Variants in SLC36A1 observed in about 807,000 individuals in gnomAD.
SLC36A1 encodes the protein solute carrier family 36 member 1.
A neutral mutation model predicts 47.5 loss-of-function variants in SLC36A1; 30 were observed. The observed-to-expected ratio is 0.63, with a 90% CI of 0.47 to 0.86. SLC36A1 has a LOEUF of 0.86. Among genes scored for constraint, SLC36A1 ranks in the 40% least tolerant of loss-of-function variants. The pLI is 0.00. For missense variants in SLC36A1, 517 were observed against 606.0 expected (o/e 0.85, Z 1.54); for synonymous variants, 255 against 249.7 (o/e 1.02, Z -0.20).
the SLC36A1 span, chr5:151,529,416 A>T: frequency 6.2e-7 from 1 of 1,608,582 alleles, no homozygotes; most frequent in South Asian, 1.1e-5. Flanking sequence ...AGGTGACAGC[A>T]GCAATGAGGC....
chr5:151,473,117 G>A (rs1353382962), intron 7 of SLC36A1, among the ~76,000 whole-genome samples: 1 of 152,186 alleles, frequency 6.6e-6, no homozygotes, highest in African/African-American at 2.4e-5. Context: ...GGAGGTTGCA[G>A]TGAGCCGAGA....
At chr5:151,515,071 C>T in the SLC36A1 span, among the ~76,000 whole-genome samples, 2 of 152,132 alleles carry the variant, frequency 1.3e-5, no homozygotes, top group Non-Finnish European at 2.9e-5. Context: ...TCACCCCAAC[C>T]CACCATACAC....
downstream of SLC36A1, among the ~76,000 whole-genome samples, chr5:151,494,075 C>T (rs1760271897): frequency 6.6e-6 from 1 of 152,108 alleles, no homozygotes; most frequent in Admixed American, 6.5e-5. Flanking sequence ...GGCTGGAACC[C>T]CTTCTTCCAG....
the SLC36A1 span, among the ~76,000 whole-genome samples, chr5:151,506,503 G>A: frequency 7.2e-5 from 11 of 152,218 alleles, no homozygotes; most frequent in African/African-American, 2.7e-4. Context: ...CTATCATGGA[G>A]AGTGATGAAA....
chr5:151,362,727 G>A, the SLC36A1 span, among the ~76,000 whole-genome samples: 37 of 152,106 alleles, frequency 2.4e-4, no homozygotes, highest in Non-Finnish European at 4.4e-4. Flanking sequence ...ACTCTCTGAT[G>A]AGTTTTTCAG....
downstream of SLC36A1, among the ~76,000 whole-genome samples, chr5:151,496,807 C>G (rs1336870438): frequency 6.6e-6 from 1 of 152,174 alleles, no homozygotes; most frequent in Non-Finnish European, 1.5e-5. Flanking sequence ...CTTCCTGACA[C>G]TATTTGTTAT....
chr5:151,448,466 T>G (rs972479700), intron 1 of SLC36A1, among the ~76,000 whole-genome samples: 7 of 152,222 alleles, frequency 4.6e-5, no homozygotes, highest in Non-Finnish European at 1.0e-4. Flanking sequence ...GTTCCCTGTT[T>G]GTTCATTATT....
intron 1 of SLC36A1, among the ~76,000 whole-genome samples, chr5:151,457,075 AT>A (rs1754639794): frequency 6.6e-6 from 1 of 152,068 alleles, no homozygotes; most frequent in East Asian, 1.9e-4. Flanking sequence ...GATTTTTGTC[AT>A]TTTTTATATT....
the SLC36A1 span, among the ~76,000 whole-genome samples, chr5:151,524,771 TTCAG>T: frequency 6.6e-6 from 1 of 152,084 alleles, no homozygotes; most frequent in Admixed American, 6.6e-5. Context: ...CTCAAGCCAC[TTCAG>T]GCTCTTTCCC....
intron 7 of SLC36A1, among the ~76,000 whole-genome samples, chr5:151,472,010 CTG>C (rs1307598492): frequency 6.6e-6 from 1 of 152,162 alleles, no homozygotes; most frequent in African/African-American, 2.4e-5. Flanking sequence ...TCCACACAGT[CTG>C]TTACTGGAGA....
chr5:151,553,128 A>T, the SLC36A1 span: 1 of 1,571,082 alleles, frequency 6.4e-7, no homozygotes, highest in East Asian at 2.2e-5. Flanking sequence ...GAGCTGGTGT[A>T]TAAGGATGGG....
the SLC36A1 span, among the ~76,000 whole-genome samples, chr5:151,408,328 A>G: frequency 1.3e-5 from 2 of 152,252 alleles, no homozygotes; most frequent in East Asian, 3.9e-4. Flanking sequence ...AGCTGGGACT[A>G]CAGGCACACA....
the SLC36A1 span, among the ~76,000 whole-genome samples, chr5:151,355,476 T>G: frequency 6.6e-6 from 1 of 152,244 alleles, no homozygotes; most frequent in Non-Finnish European, 1.5e-5. Flanking sequence ...AACTCTGCAA[T>G]TTAATTTCTA....
chr5:151,548,571 C>A, the SLC36A1 span, among the ~76,000 whole-genome samples: 19 of 152,100 alleles, frequency 1.2e-4, no homozygotes, highest in Admixed American at 7.9e-4. Flanking sequence ...ACCTCTGCCT[C>A]CCAGGTTCAA....
At chr5:151,532,189 T>C in the SLC36A1 span, among the ~76,000 whole-genome samples, 1 of 152,344 alleles carries the variant, frequency 6.6e-6, no homozygotes, top group East Asian at 1.9e-4. Context: ...GAACCTAATC[T>C]GCAAATCTAT....
the SLC36A1 span, chr5:151,553,299 A>T: frequency 1.2e-6 from 2 of 1,614,240 alleles, no homozygotes; most frequent in Non-Finnish European, 1.7e-6. Flanking sequence ...GGCCAGAGGG[A>T]TGGAGGACGG....
chr5:151,367,378 C>G, the SLC36A1 span, among the ~76,000 whole-genome samples: 1 of 78,360 alleles, frequency 1.3e-5, no homozygotes, highest in Non-Finnish European at 2.6e-5. Context: ...TTTTTTTCCC[C>G]AGGGTATTAA....
At chr5:151,537,804 T>C in the SLC36A1 span, 3 of 1,610,686 alleles carry the variant, frequency 1.9e-6, no homozygotes, top group Non-Finnish European at 1.7e-6. Context: ...TGTATGAGGA[T>C]CCAGCTTGAA....
intron 7 of SLC36A1, among the ~76,000 whole-genome samples, chr5:151,468,939 G>A (rs357623): frequency 0.39 from 58,812 of 151,908 alleles, 11,511 homozygotes; most frequent in East Asian, 0.5. Context: ...TCTGTGGGGT[G>A]GCATGAGAGA....
Sources: allele counts gnomAD v4.1 joint callset (sites outside exome capture counted in the v4.1 genomes callset), GRCh38; gene constraint gnomAD v4.1.1; transcripts MANE v1.5; gene names NCBI Gene and HGNC (gene_info 2026-07-23, HGNC 2026-07-21).